Variants in THSD7A observed in about 807,000 individuals in gnomAD.
THSD7A encodes thrombospondin type-1 domain-containing protein 7A.
THSD7A carries 96 observed loss-of-function variants against 231.3 expected under a neutral mutation model. The observed-to-expected ratio is 0.41, with a 90% confidence interval of 0.35 to 0.49. THSD7A has a LOEUF of 0.49. Ranked by LOEUF, THSD7A falls within the 20% of genes least tolerant of loss-of-function variation. THSD7A has a pLI of 0.05. For missense variants in THSD7A, 2,290 were observed against 2,070.2 expected (o/e 1.11, Z -2.06); for synonymous variants, 940 against 743.3 (o/e 1.26, Z -4.30).
In THSD7A at chr7:11,609,553, T is replaced by C. The variant is rs151211652; in HGVS notation, c.1023-16051A>G. On this transcript the variant is annotated intron_variant, in intron 2 of 27. Coordinates refer to ENST00000423059, the MANE Select transcript of THSD7A (RefSeq NM_015204.3). ...GAACTGGGGGCAATTCTGCTTCACA[T>C]GAAAGAATTCCTAAATATTATTGTT... 3.6e-3 allele frequency among the ~76,000 whole-genome samples: 548 copies of C among 152,168 alleles called. 3 individuals carry two copies. The highest frequency in any genetic ancestry group is 0.013 in the African/African-American group (519 of 41,510).
intron 22 of THSD7A, among the ~76,000 whole-genome samples, chr7:11,402,352 A>G (rs1448855846): frequency 1.3e-5 from 2 of 152,230 alleles, no homozygotes; most frequent in African/African-American, 4.8e-5. Flanking sequence ...AAGCCTAAAT[A>G]TAAACAGAAT....
intron 23 of THSD7A, among the ~76,000 whole-genome samples, chr7:11,399,675 G>A (rs1014536351): frequency 6.6e-6 from 1 of 152,186 alleles, no homozygotes; most frequent in South Asian, 2.1e-4. Context: ...GTGCTGGAGA[G>A]GATCTGGAGA....
chr7:11,479,228 C>A (rs1343092626), intron 7 of THSD7A, among the ~76,000 whole-genome samples: 1 of 152,138 alleles, frequency 6.6e-6, no homozygotes, highest in Non-Finnish European at 1.5e-5. Context: ...CCTAGTCTAT[C>A]CTTATTAATT....
intron 8 of THSD7A, among the ~76,000 whole-genome samples, chr7:11,473,968 G>A (rs1292143819): frequency 1.3e-5 from 2 of 151,980 alleles, no homozygotes; most frequent in African/African-American, 2.4e-5. Flanking sequence ...GTAGCCTACG[G>A]GTATATAGGA....
At chr7:11,804,600 T>C (rs890882642) in intron 1 of THSD7A, among the ~76,000 whole-genome samples, 3 of 152,200 alleles carry the variant, frequency 2.0e-5, no homozygotes, top group Admixed American at 6.5e-5. Flanking sequence ...ATGGGTTACA[T>C]TGACCAACCT....
chr7:11,470,696 T>A (rs1037905858), intron 8 of THSD7A, among the ~76,000 whole-genome samples: 12 of 151,794 alleles, frequency 7.9e-5, no homozygotes, highest in African/African-American at 2.4e-4. Context: ...TACAATATCT[T>A]TTTTGAAACA....
At chr7:11,574,195 G>A (rs1256130975) in intron 4 of THSD7A, among the ~76,000 whole-genome samples, 2 of 152,008 alleles carry the variant, frequency 1.3e-5, no homozygotes, top group Non-Finnish European at 2.9e-5. Context: ...ACATAACCCT[G>A]TTTTAATTCT....
intron 1 of THSD7A, among the ~76,000 whole-genome samples, chr7:11,644,033 G>T (rs913041622): frequency 7.1e-6 from 1 of 140,196 alleles, no homozygotes; most frequent in Non-Finnish European, 1.5e-5. Context: ...TTTCTTGGAG[G>T]GTTCATCCTT....
chr7:11,496,496 T>C (rs2128308701), intron 6 of THSD7A, among the ~76,000 whole-genome samples: 1 of 152,284 alleles, frequency 6.6e-6, no homozygotes, highest in East Asian at 1.9e-4. Context: ...AGTGACCATA[T>C]GACCTGGGGT....
intron 23 of THSD7A, among the ~76,000 whole-genome samples, chr7:11,388,026 C>A (rs1782829625): frequency 6.6e-6 from 1 of 152,132 alleles, no homozygotes; most frequent in Admixed American, 6.6e-5. Context: ...TATGTTGAAC[C>A]AGCCTTGCAT....
intron 4 of THSD7A, among the ~76,000 whole-genome samples, chr7:11,577,934 C>G (rs1285731830): frequency 1.3e-5 from 2 of 152,066 alleles, no homozygotes; most frequent in African/African-American, 2.4e-5. Flanking sequence ...ACTACCATAA[C>G]TATAGAAGTA....
At chr7:11,581,802 C>A (rs918582042) in intron 4 of THSD7A, among the ~76,000 whole-genome samples, 1 of 151,948 alleles carries the variant, frequency 6.6e-6, no homozygotes, top group Non-Finnish European at 1.5e-5. Flanking sequence ...ACATATATGG[C>A]AAACTAATAT....
At chr7:11,450,732 T>C (rs1785116205) in intron 11 of THSD7A, among the ~76,000 whole-genome samples, 2 of 151,992 alleles carry the variant, frequency 1.3e-5, no homozygotes, top group African/African-American at 2.4e-5. Context: ...AAACTACATA[T>C]ACCCAGAAAA....
intron 6 of THSD7A, among the ~76,000 whole-genome samples, chr7:11,511,607 C>A (rs923333969): frequency 6.6e-6 from 1 of 152,126 alleles, no homozygotes; most frequent in Non-Finnish European, 1.5e-5. Flanking sequence ...TGGAACAGAA[C>A]AGAGCCCTCA....
intron 1 of THSD7A, among the ~76,000 whole-genome samples, chr7:11,756,435 A>G (rs1782679006): frequency 6.6e-6 from 1 of 152,066 alleles, no homozygotes; most frequent in African/African-American, 2.4e-5. Context: ...TAACTGAAAT[A>G]TCTTGGAGAA....
chr7:11,709,000 G>C (rs1187209553), intron 1 of THSD7A, among the ~76,000 whole-genome samples: 1 of 150,552 alleles, frequency 6.6e-6, no homozygotes, highest in African/African-American at 2.4e-5. Context: ...ATTTAGAAAA[G>C]GGAAGACATT....
intron 1 of THSD7A, among the ~76,000 whole-genome samples, chr7:11,830,659 T>G (rs1785166776): frequency 6.6e-6 from 1 of 152,196 alleles, no homozygotes; most frequent in South Asian, 2.1e-4. Flanking sequence ...TCTGGATAGC[T>G]GCAACTTCTT....
At chr7:11,826,335 T>A (rs1374860401) in intron 1 of THSD7A, among the ~76,000 whole-genome samples, 1 of 152,210 alleles carries the variant, frequency 6.6e-6, no homozygotes, top group Non-Finnish European at 1.5e-5. Context: ...TAAAAATAAA[T>A]TCAATTACTT....
chr7:11,561,768 C>G (rs1470098891), intron 4 of THSD7A, among the ~76,000 whole-genome samples: 1 of 152,116 alleles, frequency 6.6e-6, no homozygotes, highest in Non-Finnish European at 1.5e-5. Context: ...ACAAGAATTG[C>G]TTGAACCTGG....
Sources: gnomAD v4.1 joint callset for allele counts (sites outside exome capture counted in the v4.1 genomes callset) on GRCh38, gnomAD v4.1.1 for gene constraint, MANE v1.5 for transcripts, NCBI Gene and HGNC (gene_info 2026-07-23, HGNC 2026-07-21) for gene names.